CHADL: variants seen among roughly 807,000 people sequenced by gnomAD.
CHADL encodes chondroadherin-like protein.
Under a neutral mutation model 52.1 loss-of-function variants are expected in CHADL, and 48 were observed. The observed-to-expected ratio is 0.92, with a 90% CI of 0.73 to 1.17. The LOEUF (loss-of-function observed/expected upper bound fraction) is 1.17. Ranked by LOEUF, CHADL falls within the 50% of genes most tolerant of loss-of-function variation. The pLI is 0.00. For synonymous variants in CHADL, 498 were observed against 511.2 expected (o/e 0.97, Z 0.35); for missense variants, 977 against 1,035.1 (o/e 0.94, Z 0.77).
chr22:41,233,068 A>G (rs534037278), intron 5 of CHADL, among the ~76,000 whole-genome samples: 72 of 152,228 alleles, frequency 4.7e-4, no homozygotes, highest in African/African-American at 1.6e-3. Context: ...AGTACCTCAG[A>G]GTATGACCTT....
rs1201475151 is a variant in CHADL, at chr22:41,238,264, C to T, written c.808G>A (p.Gly270Ser). Residue 270 changes from glycine to serine, a missense_variant, in exon 3 of 6, where the codon GGT becomes AGT. Transcript: ENST00000216241. This position sits in a 1 kb window ranked among gnomAD's most constrained non-coding sequence, Gnocchi z 4.9. ...GGACAGTGTGCGAAGGCCCTGGGAC[C>T]CAGGGCCTGCAGGGCCCCGCCGTCC... Reference protein sequence around the residue: ...LLDGGALQALGPRAFAHCPRL... With the variant: ...LLDGGALQALSPRAFAHCPRL... 7 of 1,530,480 alleles carry T rather than the reference C, an allele frequency of 4.6e-6. No homozygotes were observed. The East Asian group carries it at 1.2e-4, about 27-fold the overall frequency. The allele number at this position is 1,530,480 out of a possible 1,614,324, so 94.8% of individuals were successfully genotyped here.
rs2032779559 is a variant in CHADL at position 41,237,967 on chromosome 22, C to T, written c.1105G>A (p.Glu369Lys). ...GDAAQEEEELEERAVAGPRAP... is the reference protein window; with the variant it reads ...GDAAQEEEELKERAVAGPRAP... Reference sequence around the variant, plus strand: ...CGGGGCCCGGCCACAGCCCGCTCTTCCAGCTCTTCCTCTTCCTGCGCCGCG... The same window carrying T: ...CGGGGCCCGGCCACAGCCCGCTCTTTCAGCTCTTCCTCTTCCTGCGCCGCG... The change falls in exon 3 of 6, where the codon GAA becomes AAA. Residue 369 changes from glutamate (E) to lysine (K), a missense_variant. Glu to Lys is a moderately conservative substitution (Grantham distance 56). Transcript: ENST00000216241. 3 of 1,261,204 alleles carry T rather than the reference C, an allele frequency of 2.4e-6. No individual in the cohort carries two copies. Among genetic ancestry groups the T allele is most frequent in the Non-Finnish European group, 3.0e-6 (3 of 1,008,432 alleles). 78.1% of individuals were successfully genotyped at this position (1,261,204 alleles called of 1,614,324 possible).
chr22:41,230,162 G>A lies in CHADL; in HGVS notation c.2263-432C>T, dbSNP rs1555922213. 1 of 1,523,890 alleles carries A rather than the reference G, an allele frequency of 6.6e-7. No individual in the cohort carries two copies. The highest frequency in any genetic ancestry group is 1.4e-5 in the African/African-American group (1 of 70,762). The allele number at this position is 1,523,890 out of a possible 1,614,324, so 94.4% of individuals were successfully genotyped here. A position where few individuals can be genotyped will look rare whatever the true frequency, so the allele number is the denominator to read the frequency against. On this transcript the variant is annotated intron_variant, in intron 5 of 5. Transcript: ENST00000216241. ...AGTCATTGCTGTGCGTGTGAAGGAAGAGCATCTAGACGTGGCCTCGCCCGA... is the reference window on the plus strand; with the variant it reads ...AGTCATTGCTGTGCGTGTGAAGGAAAAGCATCTAGACGTGGCCTCGCCCGA...
At position 41,236,584 on chromosome 22, in the gene CHADL, G is replaced by A. The variant is rs573876458; in HGVS notation, c.1963C>T (p.Leu655Phe). The A allele has an allele frequency of 1.3e-6, 2 of 1,551,192 alleles. No homozygotes were observed. Among genetic ancestry groups the A allele is most frequent in the African/African-American group, 2.7e-5 (2 of 73,178 alleles). Residue 655 changes from leucine to phenylalanine, a missense_variant, in exon 4 of 6, where the codon CTT (leucine) becomes TTT (phenylalanine). Coordinates refer to ENST00000216241, the MANE Select transcript of CHADL (RefSeq NM_138481.2). ...LQSLHLQKNQ[L>F]RALPALPSLS... ...CTGGGCAGGGCAGGCAGGGCCCGAA[G>A]CTGGTTCTTCTGCAGGTGCAGGCTC...
At position 41,237,439 on chromosome 22, in the gene CHADL, G is replaced by A. The variant is rs2032764856; in HGVS notation, c.1633C>T (p.Arg545Trp). 4 of 1,550,340 alleles carry A rather than the reference G, an allele frequency of 2.6e-6. No homozygotes were observed. The highest frequency in any genetic ancestry group is 3.9e-5 in the Admixed American group (2 of 50,990). The change falls in exon 3 of 6, where the codon CGG becomes TGG. Residue 545 changes from arginine to tryptophan, a missense_variant. By Grantham distance (101) the Arg-to-Trp change is moderately radical (BLOSUM62 -3). Coordinates refer to ENST00000216241, the MANE Select transcript of CHADL (RefSeq NM_138481.2). ...CTCAGGTAGACCCAGCGCAAGGCCC[G>A]TGTTCTCCCCAGGTCCCCAGGTGCC... is the stretch of plus-strand genomic sequence containing the variant. ...RLAPGDLGRT[R>W]ALRWVYLSGN...
chr22:41,237,311 C>A lies in CHADL; in HGVS notation c.1761G>T (p.Gly587=), dbSNP rs1984792697. The change falls in exon 3 of 6, where the codon GGG becomes GGT. Residue 587 remains glycine, a synonymous_variant. Coordinates refer to ENST00000216241, the MANE Select transcript of CHADL (RefSeq NM_138481.2). ...GGAGGGCAGGCAGCCCCTCCAAGGC[C>A]CCAGTGGGCACCTCTCGCAGCTGAT... is the stretch of plus-strand genomic sequence containing the variant. The part of the protein sequence containing the change: ...DRNQLREVPT[G]ALEGLPALLE... 1 of 1,550,694 alleles carries A rather than the reference C, an allele frequency of 6.4e-7. No homozygotes were observed. Among genetic ancestry groups the A allele is most frequent in the East Asian group, 2.4e-5 (1 of 40,920 alleles).
rs2032768614 is a variant in CHADL, at chr22:41,237,615, G to A, written c.1457C>T (p.Ala486Val). 6.5e-7 allele frequency: 1 copy of A among 1,550,348 alleles called. No individual in the cohort carries two copies. Among genetic ancestry groups the A allele is most frequent in the South Asian group, 1.2e-5 (1 of 84,062 alleles). ...IYLYLSDNQL[A>V]GLSAAALEGA... The stretch of plus-strand genomic sequence containing the variant: ...TTCAAGGGCAGCAGCGCTGAGGCCT[G>A]CGAGCTGGTTGTCGGAGAGGTACAG... The change falls in exon 3 of 6, where the codon GCA becomes GTA. Residue 486 changes from alanine to valine, a missense_variant. Physicochemically the swap from Ala to Val is moderately conservative, Grantham distance 64 (BLOSUM62 0). Transcript: ENST00000216241.
At position 41,235,238 on chromosome 22, in the gene CHADL, C is replaced by G. The variant is rs779888143; in HGVS notation, c.2169G>C (p.Pro723=). Residue 723 remains proline (P), a synonymous_variant, in exon 5 of 6, where the codon CCG becomes CCC. Coordinates refer to ENST00000216241, the MANE Select transcript of CHADL (RefSeq NM_138481.2). The part of the protein sequence containing the change: ...KAAAAVFEDC[P]GWAARKAKRT... Reference sequence around the variant, plus strand: ...GCTTGGCCTTTCTGGCAGCCCAGCCCGGGCAGTCTTCAAAGACAGCAGCTG... The same window carrying G: ...GCTTGGCCTTTCTGGCAGCCCAGCCGGGGCAGTCTTCAAAGACAGCAGCTG... The G allele has an allele frequency of 6.4e-7, 1 of 1,551,408 alleles. No individual in the cohort carries two copies. Among genetic ancestry groups the G allele is most frequent in the South Asian group, 1.2e-5 (1 of 84,062 alleles).
chr22:41,238,499 G>A lies in CHADL; in HGVS notation c.573C>T (p.His191=), dbSNP rs1398273508. Residue 191 remains histidine, a synonymous_variant, in exon 3 of 6, where the codon CAC becomes CAT. Coordinates refer to ENST00000216241, the MANE Select transcript of CHADL (RefSeq NM_138481.2). The surrounding 1 kb of genome is among the most constrained non-coding windows in gnomAD (Gnocchi z 4.9). ...LLRVRWLRLS[H]NALSVLAPEA... is the part of the protein sequence containing the mutation. ...CGGGGGCCAGCACGCTGAGCGCGTT[G>A]TGCGACAGCCGCAGCCAGCGGACGC... 5.8e-6 allele frequency: 9 copies of A among 1,539,752 alleles called. No individual in the cohort carries two copies. Among genetic ancestry groups the A allele is most frequent in the Non-Finnish European group, 7.9e-6 (9 of 1,144,336 alleles).
In CHADL at chr22:41,237,499, A is replaced by G. The variant is rs1329514334; in HGVS notation, c.1573T>C (p.Ser525Pro). ...AALRALPSLF[S>P]LHLQDNAVDR... The stretch of plus-strand genomic sequence containing the variant: ...ACAGCGTTGTCCTGCAGGTGCAGGG[A>G]GAAGAGGCTGGGCAGGGCGCGCAGG... The change falls in exon 3 of 6, where the codon TCC (serine) becomes CCC (proline). Residue 525 changes from serine (S) to proline (P), a missense_variant. Coordinates refer to ENST00000216241, the MANE Select transcript of CHADL (RefSeq NM_138481.2). The G allele has an allele frequency of 1.3e-6, 2 of 1,550,462 alleles. No homozygotes were observed. Among genetic ancestry groups the G allele is most frequent in the Admixed American group, 3.9e-5 (2 of 51,012 alleles).
chr22:41,232,653 G>A (rs1012679514), intron 5 of CHADL, among the ~76,000 whole-genome samples: 13 of 152,166 alleles, frequency 8.5e-5, no homozygotes, highest in African/African-American at 3.1e-4. Context: ...AGGAGTATCA[G>A]AAGGGATGGC....
chr22:41,238,578 A>AG lies in CHADL; in HGVS notation c.493dup (p.Leu165ProfsTer330). 1 of 1,546,144 alleles carries AG rather than the reference A, an allele frequency of 6.5e-7. No homozygotes were observed. Among genetic ancestry groups the AG allele is most frequent in the South Asian group, 1.2e-5 (1 of 84,032 alleles). ...CAGGTAAACCAGGGCGTTGTGGGCC[A>AG]GGTTTAGCGTGGCCAGCGCACCCAG... On this transcript the variant is annotated frameshift_variant, in exon 3 of 6. Coordinates refer to ENST00000216241, the MANE Select transcript of CHADL (RefSeq NM_138481.2). LOFTEE classifies it high-confidence loss of function. This position sits in a 1 kb window ranked among gnomAD's most constrained non-coding sequence, Gnocchi z 4.9.
chr22:41,230,021 T>A (rs2032475257), intron 5 of CHADL: 2 of 754,734 alleles, frequency 2.6e-6, no homozygotes, highest in South Asian at 1.8e-5. Flanking sequence ...AGCTGGAGGG[T>A]GAAGGTGCAT....
intron 5 of CHADL, among the ~76,000 whole-genome samples, chr22:41,233,882 G>T (rs984143746): frequency 1.3e-5 from 2 of 152,198 alleles, no homozygotes; most frequent in African/African-American, 4.8e-5. Context: ...CACTTTCCCT[G>T]GAAGAACTTC....
chr22:41,237,933 G>A lies in CHADL; in HGVS notation c.1139C>T (p.Pro380Leu). The change falls in exon 3 of 6, where the codon CCG becomes CTG. Residue 380 changes from proline to leucine, a missense_variant. Transcript: ENST00000216241. ...CCCGGGGCCGCGCGGAGGGCCGCGC[G>A]GAGGGGCGCGGGGCCCGGCCACAGC... Reference protein sequence around the residue: ...ERAVAGPRAPPRGPPRGPGEE... With the variant: ...ERAVAGPRAPLRGPPRGPGEE... The A allele has an allele frequency of 7.9e-7, 1 of 1,271,792 alleles. No homozygotes were observed. Among genetic ancestry groups the A allele is most frequent in the South Asian group, 2.9e-5 (1 of 34,658 alleles). The allele number at this position is 1,271,792 out of a possible 1,614,324, so 78.8% of individuals were successfully genotyped here.
Position 41,238,249 on chromosome 22 carries a change from C to T in CHADL, c.823G>A (p.Ala275Thr), listed in dbSNP as rs2032787491. 2 of 1,530,422 alleles carry T rather than the reference C, an allele frequency of 1.3e-6. No individual in the cohort carries two copies. Among genetic ancestry groups the T allele is most frequent in the African/African-American group, 1.4e-5 (1 of 72,340 alleles). The allele number at this position is 1,530,422 out of a possible 1,614,324, so 94.8% of individuals were successfully genotyped here. Reference protein sequence around the residue: ...ALQALGPRAFAHCPRLHTLDL... With the variant: ...ALQALGPRAFTHCPRLHTLDL... The stretch of plus-strand genomic sequence containing the variant: ...AGGGTGTGCAGGCGCGGACAGTGTG[C>T]GAAGGCCCTGGGACCCAGGGCCTGC... Residue 275 changes from alanine (A) to threonine (T), a missense_variant, in exon 3 of 6, where the codon GCA becomes ACA. By Grantham distance (58) the Ala-to-Thr change is moderately conservative (BLOSUM62 0). Transcript: ENST00000216241. The surrounding 1 kb of genome is among the most constrained non-coding windows in gnomAD (Gnocchi z 4.9).
At position 41,229,715 on chromosome 22, in the gene CHADL, C is replaced by T; in HGVS notation, c.2278G>A (p.Gly760Ser). The T allele has an allele frequency of 6.2e-7, 1 of 1,612,230 alleles. No individual in the cohort carries two copies. The highest frequency in any genetic ancestry group is 8.5e-7 in the Non-Finnish European group (1 of 1,179,888). ...AGCCTGCTCCGTGCTCAGAGACGAC[C>T]CTTCTCCTTCCCCACCTGGGCACAG... ...CGADKVGKEKGRL is the reference protein window; with the variant it reads ...CGADKVGKEKSRL The change falls in exon 6 of 6, where the codon GGT becomes AGT. Residue 760 changes from glycine (G) to serine (S), a missense_variant. Gly to Ser is a moderately conservative substitution (Grantham distance 56). Coordinates refer to ENST00000216241, the MANE Select transcript of CHADL (RefSeq NM_138481.2).
At position 41,229,571 on chromosome 22, in the gene CHADL, C is replaced by T. The variant is rs1337088606; in HGVS notation, c.*133G>A. 6.2e-7 allele frequency: 1 copy of T among 1,613,154 alleles called. No homozygotes were observed. Among genetic ancestry groups the T allele is most frequent in the East Asian group, 2.2e-5 (1 of 44,822 alleles). Reference sequence around the variant, plus strand: ...GAATCCCGCCCACTAAGACGCGACCCCTCAGACAGGGGTCCAAGAAGCCCC... The same window carrying T: ...GAATCCCGCCCACTAAGACGCGACCTCTCAGACAGGGGTCCAAGAAGCCCC... On this transcript the variant is annotated 3_prime_UTR_variant, in exon 6 of 6. Transcript: ENST00000216241.
Position 41,238,619 on chromosome 22 carries a change from C to A in CHADL, c.453G>T (p.Pro151=), listed in dbSNP as rs142058150. Residue 151 remains proline, a synonymous_variant, in exon 3 of 6, where the codon CCG becomes CCT. Transcript: ENST00000216241. This position sits in a 1 kb window ranked among gnomAD's most constrained non-coding sequence, Gnocchi z 4.9. The part of the protein sequence containing the change: ...LEGNALEELR[P]GTFGALGALA... ...GCGCACCCAGTGCCCCGAACGTCCC[C>A]GGCCGCAGCTCCTCCAGTGCGTTCC... 976 of 1,544,442 alleles carry A rather than the reference C, an allele frequency of 6.3e-4. 2 individuals carry two copies. The highest frequency in any genetic ancestry group is 8.0e-4 in the Non-Finnish European group (913 of 1,146,476).
Sources: gnomAD v4.1 joint callset for allele counts (sites outside exome capture counted in the v4.1 genomes callset) on GRCh38, gnomAD v4.1.1 for gene constraint, Gnocchi (gnomAD v3.1) non-coding constraint, MANE v1.5 for transcripts, NCBI Gene and HGNC (gene_info 2026-07-23, HGNC 2026-07-21) for gene names.